CPEB1: variants seen among roughly 807,000 people sequenced by gnomAD.
The protein encoded by CPEB1 is cytoplasmic polyadenylation element-binding protein 1.
CPEB1 carries 7 observed loss-of-function variants against 65.8 expected under a neutral mutation model. That is an observed-to-expected ratio of 0.11 (90% CI 0.06 to 0.20). The LOEUF (loss-of-function observed/expected upper bound fraction) is 0.20, where lower values mean the gene tolerates loss of function less well. Among genes scored for constraint, CPEB1 ranks in the 10% least tolerant of loss-of-function variants. The probability of loss-of-function intolerance (pLI) is 1.00; values close to 1 mark genes in which losing one functional copy is unlikely to be tolerated. For synonymous variants in CPEB1, 262 were observed against 260.0 expected (o/e 1.01, Z -0.08); for missense variants, 551 against 712.2 (o/e 0.77, Z 2.58).
chr15:82,607,055 T>C (rs369348939), intron 3 of CPEB1, among the ~76,000 whole-genome samples: 1 of 151,988 alleles, frequency 6.6e-6, no homozygotes, highest in Non-Finnish European at 1.5e-5. Context: ...TAAAATGTCA[T>C]AGGATTTTAT....
chr15:82,635,443 G>A (rs1462730382), intron 1 of CPEB1, among the ~76,000 whole-genome samples: 1 of 152,196 alleles, frequency 6.6e-6, no homozygotes, highest in African/African-American at 2.4e-5. Flanking sequence ...TTTGCTGAGA[G>A]ATGCTTCTCT....
rs564454306 is a variant in CPEB1 at position 82,558,970 on chromosome 15, T to C, written c.461-984A>G. Among the ~76,000 whole-genome samples, 25 of 150,870 alleles carry C rather than the reference T, an allele frequency of 1.7e-4. No homozygotes were observed. The South Asian group carries it at 4.2e-3, about 25-fold the overall frequency. On this transcript the variant is annotated intron_variant, in intron 4 of 12. Transcript: ENST00000684509. The stretch of plus-strand genomic sequence containing the variant: ...AATTTGAAGTTTTTTTTTTTTTTCA[T>C]CTGAAGAATGAGAACATTCACCTCA...
chr15:82,640,866 C>T (rs2047047182), intron 1 of CPEB1: 1 of 150,648 alleles, frequency 6.6e-6, no homozygotes, highest in South Asian at 2.1e-4. Flanking sequence ...AAAAGGAAGC[C>T]TGCAAGTACC....
At chr15:82,548,810 G>A in intron 10 of CPEB1, 2 of 408,694 alleles carry the variant, frequency 4.9e-6, no homozygotes, top group Non-Finnish European at 5.0e-6. Context: ...GATTCAGTGT[G>A]GGTGTGAAGA....
At chr15:82,569,028 G>A (rs952204770) in intron 4 of CPEB1, among the ~76,000 whole-genome samples, 1 of 152,216 alleles carries the variant, frequency 6.6e-6, no homozygotes, top group African/African-American at 2.4e-5. Flanking sequence ...GTGTAACAGG[G>A]TATCTGCAAG....
intron 3 of CPEB1, among the ~76,000 whole-genome samples, chr15:82,591,549 G>C (rs368299804): frequency 6.6e-6 from 1 of 152,180 alleles, no homozygotes; most frequent in Admixed American, 6.5e-5. Flanking sequence ...TTGTAGGCAT[G>C]AGTCACTGTG....
intron 3 of CPEB1, among the ~76,000 whole-genome samples, chr15:82,619,556 T>C (rs1009157476): frequency 1.3e-5 from 2 of 152,210 alleles, no homozygotes; most frequent in African/African-American, 4.8e-5. Context: ...AGAACTCATA[T>C]GTGGCCTATA....
intron 1 of CPEB1, among the ~76,000 whole-genome samples, chr15:82,631,073 G>A (rs140396474): frequency 0.013 from 2,000 of 152,268 alleles, 20 homozygotes; most frequent in Non-Finnish European, 0.019. Context: ...GGATTAGTGA[G>A]AAAGTACCAC....
Position 82,590,186 on chromosome 15 carries a change from T to C in CPEB1, c.272-18654A>G, listed in dbSNP as rs144635016. 9.3e-4 allele frequency among the ~76,000 whole-genome samples: 124 copies of C among 133,934 alleles called. 1 individual carries two copies. In the East Asian group the frequency reaches 0.023, roughly 24 times the overall value. The allele number at this position is 133,934 out of a possible 152,430, so 87.9% of individuals were successfully genotyped here. On this transcript the variant is annotated intron_variant, in intron 3 of 12. Transcript: ENST00000684509. ...AAAGAAGTGCAGAATAGTCTTTTCC[T>C]ATGTGTCCCCTCATCCCTTTGACAA...
At chr15:82,628,759 A>G (rs778420670) in intron 1 of CPEB1, 150 of 302,398 alleles carry the variant, frequency 5.0e-4, no homozygotes, top group Non-Finnish European at 8.2e-4. Flanking sequence ...CGGCCTGCTC[A>G]ATGTGAAAAC....
At chr15:82,609,228 C>T (rs1368835279) in intron 3 of CPEB1, among the ~76,000 whole-genome samples, 1 of 152,058 alleles carries the variant, frequency 6.6e-6, no homozygotes, top group Non-Finnish European at 1.5e-5. Flanking sequence ...TGCTGAATGT[C>T]GTAGCTCACA....
In CPEB1 at chr15:82,595,436, T is replaced by C. The variant is rs139244993; in HGVS notation, c.272-23904A>G. Reference sequence around the variant, plus strand: ...CAATGTATAAGAGTTTCACTTTTTCTACATCCTGATCAACAATTGTTACTG... The same window carrying C: ...CAATGTATAAGAGTTTCACTTTTTCCACATCCTGATCAACAATTGTTACTG... On this transcript the variant is annotated intron_variant, in intron 3 of 12. Transcript: ENST00000684509. Among the ~76,000 whole-genome samples the C allele has an allele frequency of 1.7e-3, 252 of 152,366 alleles. 1 individual carries two copies. Among genetic ancestry groups the C allele is most frequent in the African/African-American group, 5.8e-3 (241 of 41,588 alleles).
At chr15:82,624,589 A>G (rs1354403131) in intron 3 of CPEB1, among the ~76,000 whole-genome samples, 6 of 152,198 alleles carry the variant, frequency 3.9e-5, no homozygotes, top group Non-Finnish European at 7.3e-5. Flanking sequence ...GACCCTGGGC[A>G]GAGTATAATG....
chr15:82,621,546 G>A (rs182889984), intron 3 of CPEB1, among the ~76,000 whole-genome samples: 33 of 151,976 alleles, frequency 2.2e-4, no homozygotes, highest in Non-Finnish European at 3.7e-4. Context: ...ACTTGAACCC[G>A]GGCAGAGGTT....
intron 3 of CPEB1, among the ~76,000 whole-genome samples, chr15:82,606,102 G>A (rs1329845851): frequency 6.6e-6 from 1 of 152,116 alleles, no homozygotes; most frequent in Non-Finnish European, 1.5e-5. Context: ...AAGCGATACT[G>A]GTGCAAAGTT....
At chr15:82,561,464 G>GCA (rs1484037335) in intron 4 of CPEB1, among the ~76,000 whole-genome samples, 2 of 152,204 alleles carry the variant, frequency 1.3e-5, no homozygotes, top group South Asian at 4.1e-4. Context: ...GGGAGAAACA[G>GCA]CATAAAGCAG....
chr15:82,586,873 GC>G (rs1166625215), intron 3 of CPEB1, among the ~76,000 whole-genome samples: 1 of 152,134 alleles, frequency 6.6e-6, no homozygotes, highest in African/African-American at 2.4e-5. Flanking sequence ...GATGTCTGCT[GC>G]CCTAAGCCTG....
intron 1 of CPEB1, among the ~76,000 whole-genome samples, chr15:82,642,228 TG>T: frequency 6.6e-6 from 1 of 152,240 alleles, no homozygotes; most frequent in East Asian, 1.9e-4. Context: ...ACTGCAATGT[TG>T]GGTGCAAAGG....
intron 3 of CPEB1, among the ~76,000 whole-genome samples, chr15:82,583,777 C>T (rs2151111078): frequency 6.6e-6 from 1 of 152,060 alleles, no homozygotes; most frequent in Admixed American, 6.5e-5. Flanking sequence ...TGGCAGTCTG[C>T]TAAAACCAAT....
Sources: allele counts gnomAD v4.1 joint callset (sites outside exome capture counted in the v4.1 genomes callset), GRCh38; gene constraint gnomAD v4.1.1; transcripts MANE v1.5; gene names NCBI Gene and HGNC (gene_info 2026-07-23, HGNC 2026-07-21).